The following ZFPM2 variants were observed in gnomAD, a reference collection of about 807,000 sequenced individuals.
The protein encoded by ZFPM2 is zinc finger protein, FOG family member 2.
ZFPM2 carries 20 observed loss-of-function variants against 98.6 expected under a neutral mutation model. The observed-to-expected ratio is 0.20, with a 90% CI of 0.14 to 0.29. The LOEUF is 0.29. Ranked by LOEUF, ZFPM2 falls within the 10% of genes least tolerant of loss-of-function variation. The pLI is 1.00. For missense variants in ZFPM2, 1,310 were observed against 1,388.6 expected (o/e 0.94, Z 0.90); for synonymous variants, 518 against 502.7 (o/e 1.03, Z -0.41).
chr8:105,778,528 T>C (rs1443475445), intron 5 of ZFPM2, among the ~76,000 whole-genome samples: 1 of 152,068 alleles, frequency 6.6e-6, no homozygotes, highest in African/African-American at 2.4e-5. Flanking sequence ...GTTTGTTTGC[T>C]AAATGGCCTA....
At chr8:105,753,001 C>T (rs1044279596) in intron 5 of ZFPM2, among the ~76,000 whole-genome samples, 11 of 152,178 alleles carry the variant, frequency 7.2e-5, no homozygotes, top group African/African-American at 2.6e-4. Context: ...ATCAGGCTTT[C>T]AGTCGGCATC....
chr8:105,700,587 TTTGA>T (rs970438004), intron 5 of ZFPM2, among the ~76,000 whole-genome samples: 20 of 148,842 alleles, frequency 1.3e-4, no homozygotes, highest in African/African-American at 3.4e-4. Context: ...TGTTTGTTTG[TTTGA>T]TTGTTTGTTT....
chr8:105,463,285 ATG>A (rs10609094), intron 3 of ZFPM2, among the ~76,000 whole-genome samples: 72,361 of 151,060 alleles, frequency 0.48, 18,038 homozygotes, highest in East Asian at 0.66. Context: ...AAAACTATAT[ATG>A]TGTGTGTGTA....
At chr8:105,793,243 T>G (rs1338937189) in intron 6 of ZFPM2, among the ~76,000 whole-genome samples, 2 of 152,212 alleles carry the variant, frequency 1.3e-5, no homozygotes, top group Admixed American at 1.3e-4. Context: ...CTTTCCATGT[T>G]TAGTGCTTCC....
In ZFPM2 at chr8:105,743,831, C is replaced by G. The variant is rs577026154; in HGVS notation, c.533-44887C>G. Among the ~76,000 whole-genome samples, 48 of 152,200 alleles carry G rather than the reference C, an allele frequency of 3.2e-4. 1 individual carries two copies. The East Asian group carries it at 9.3e-3, about 30-fold the overall frequency. ...CAAGGATGTATATTTAATGCATGCA[C>G]TCTACAAGAATGCATTTTCTTCCAT... is the stretch of plus-strand genomic sequence containing the variant. On this transcript the variant is annotated intron_variant, in intron 5 of 7. Transcript: ENST00000407775.
intron 5 of ZFPM2, among the ~76,000 whole-genome samples, chr8:105,654,055 A>G (rs1817236708): frequency 6.6e-6 from 1 of 151,670 alleles, no homozygotes; most frequent in Admixed American, 6.6e-5. Context: ...TCATTGTAAA[A>G]ATGTCCCCAC....
intron 5 of ZFPM2, among the ~76,000 whole-genome samples, chr8:105,711,125 A>C (rs1268953280): frequency 6.6e-6 from 1 of 152,158 alleles, no homozygotes; most frequent in Non-Finnish European, 1.5e-5. Context: ...ATAGTTTTAA[A>C]AAATATTTTT....
intron 5 of ZFPM2, among the ~76,000 whole-genome samples, chr8:105,694,726 T>C (rs924468025): frequency 6.6e-6 from 1 of 152,206 alleles, no homozygotes; most frequent in African/African-American, 2.4e-5. Context: ...TTAATTTTAC[T>C]AAGTGATACG....
chr8:105,523,131 G>T (rs1298222296), intron 3 of ZFPM2, among the ~76,000 whole-genome samples: 5 of 151,720 alleles, frequency 3.3e-5, no homozygotes, highest in African/African-American at 1.2e-4. Flanking sequence ...TATTTTTTTT[G>T]AGATGATAAA....
intron 4 of ZFPM2, among the ~76,000 whole-genome samples, chr8:105,571,451 A>G (rs1815352613): frequency 6.6e-6 from 1 of 152,242 alleles, no homozygotes; most frequent in African/African-American, 2.4e-5. Context: ...GGAAGGTAGA[A>G]GTAACAAAGC....
chr8:105,784,645 C>T (rs919792824), intron 5 of ZFPM2, among the ~76,000 whole-genome samples: 4 of 145,378 alleles, frequency 2.8e-5, no homozygotes, highest in African/African-American at 8.6e-5. Flanking sequence ...TCATTTAATC[C>T]TCATAATAAC....
intron 1 of ZFPM2, among the ~76,000 whole-genome samples, chr8:105,375,089 C>T (rs1016200183): frequency 1.3e-5 from 2 of 152,226 alleles, no homozygotes; most frequent in East Asian, 3.9e-4. Flanking sequence ...TAATTTGTGA[C>T]TATTATTTGA....
chr8:105,360,423 G>A (rs1244783715), intron 1 of ZFPM2, among the ~76,000 whole-genome samples: 3 of 151,942 alleles, frequency 2.0e-5, no homozygotes, highest in African/African-American at 7.2e-5. Context: ...ACATTTTTTG[G>A]CAGATATAAC....
chr8:105,693,068 G>A (rs146120144), intron 5 of ZFPM2, among the ~76,000 whole-genome samples: 9 of 152,202 alleles, frequency 5.9e-5, no homozygotes, highest in East Asian at 1.9e-4. Context: ...AGCTACGGTC[G>A]CATGGTGCCC....
At chr8:105,507,207 A>G (rs1454493126) in intron 3 of ZFPM2, among the ~76,000 whole-genome samples, 3 of 152,162 alleles carry the variant, frequency 2.0e-5, no homozygotes, top group African/African-American at 7.2e-5. Context: ...ATCTACCTGC[A>G]TTCGTATCTA....
intron 3 of ZFPM2, among the ~76,000 whole-genome samples, chr8:105,506,988 C>CAAAA (rs61634908): frequency 2.7e-5 from 3 of 112,790 alleles, no homozygotes; most frequent in East Asian, 2.3e-4. Flanking sequence ...ACTCCGTCTC[C>CAAAA]AAAAAAAAAA....
Position 105,526,499 on chromosome 8 carries a change from T to G in ZFPM2, c.302-34864T>G, listed in dbSNP as rs570454978. The stretch of plus-strand genomic sequence containing the variant: ...GTTTTTATATGTTTGAAATCATTTT[T>G]TTCCTCCTAAATACAGAAACTACCT... On this transcript the variant is annotated intron_variant, in intron 3 of 7. Coordinates refer to ENST00000407775, the MANE Select transcript of ZFPM2 (RefSeq NM_012082.4). 2.0e-5 allele frequency among the ~76,000 whole-genome samples: 3 copies of G among 152,296 alleles called. No individual in the cohort carries two copies. In the East Asian group the frequency reaches 5.8e-4, roughly 29 times the overall value.
intron 2 of ZFPM2, among the ~76,000 whole-genome samples, chr8:105,431,051 C>T (rs965540640): frequency 6.6e-6 from 1 of 151,924 alleles, no homozygotes; most frequent in Admixed American, 6.6e-5. Flanking sequence ...CTACAGGCGC[C>T]CCCCACCATG....
chr8:105,606,156 T>C (rs1167416097), intron 4 of ZFPM2, among the ~76,000 whole-genome samples: 2 of 152,118 alleles, frequency 1.3e-5, no homozygotes, highest in Non-Finnish European at 2.9e-5. Context: ...GAAATGTTTA[T>C]TGTGTTTGTG....
Sources: gnomAD v4.1 joint callset for allele counts (sites outside exome capture counted in the v4.1 genomes callset) on GRCh38, gnomAD v4.1.1 for gene constraint, MANE v1.5 for transcripts, NCBI Gene and HGNC (gene_info 2026-07-23, HGNC 2026-07-21) for gene names.